The following STPG2 variants were observed in gnomAD, a reference collection of about 807,000 sequenced individuals.
STPG2 encodes the protein sperm tail PG-rich repeat containing 2.
In STPG2, 56 loss-of-function variants were observed where a neutral mutation model predicts 54.2. The ratio of observed to expected loss-of-function variants is 1.03; its 90% CI spans 0.83 to 1.29. The LOEUF (loss-of-function observed/expected upper bound fraction) is 1.29. Ranked by LOEUF, STPG2 falls within the 50% of genes most tolerant of loss-of-function variation. The pLI is 0.00. For missense variants in STPG2, 596 were observed against 544.9 expected (o/e 1.09, Z -0.93); for synonymous variants, 200 against 181.8 (o/e 1.10, Z -0.81).
At chr4:98,077,368 G>A (rs888520352) in intron 5 of STPG2, among the ~76,000 whole-genome samples, 6 of 151,984 alleles carry the variant, frequency 3.9e-5, no homozygotes, top group African/African-American at 1.5e-4. Context: ...TCAGCCTCCT[G>A]AGTAGCTGGG....
chr4:97,901,874 A>T (rs1435863530), intron 8 of STPG2, among the ~76,000 whole-genome samples: 1 of 152,068 alleles, frequency 6.6e-6, no homozygotes, highest in Non-Finnish European at 1.5e-5. Flanking sequence ...AGTAAGAAGG[A>T]CAAAGTTGCA....
chr4:97,764,059 G>A (rs144712735), intron 9 of STPG2, among the ~76,000 whole-genome samples: 3 of 150,816 alleles, frequency 2.0e-5, no homozygotes, highest in African/African-American at 7.3e-5. Flanking sequence ...CACAGAACAT[G>A]GTAGAGCTTC....
intron 5 of STPG2, among the ~76,000 whole-genome samples, chr4:98,095,388 A>C (rs1738825378): frequency 6.6e-6 from 1 of 152,184 alleles, no homozygotes; most frequent in African/African-American, 2.4e-5. Context: ...AGCTGAACAG[A>C]TGTTTTCAAA....
At chr4:97,884,128 A>G (rs1242106252) in intron 8 of STPG2, among the ~76,000 whole-genome samples, 2 of 152,120 alleles carry the variant, frequency 1.3e-5, no homozygotes, top group African/African-American at 2.4e-5. Context: ...TTATGGGAAG[A>G]GAGGGGGGAA....
At chr4:97,921,090 C>T (rs1027009585) in intron 8 of STPG2, among the ~76,000 whole-genome samples, 21 of 152,230 alleles carry the variant, frequency 1.4e-4, no homozygotes, top group Admixed American at 3.9e-4. Flanking sequence ...TTAGAAAGTA[C>T]CGGTTTACAT....
At chr4:97,683,073 C>T (rs1459745508) in intron 10 of STPG2, among the ~76,000 whole-genome samples, 6 of 151,576 alleles carry the variant, frequency 4.0e-5, no homozygotes, top group Admixed American at 3.3e-4. Flanking sequence ...ATGATACTGG[C>T]AAAAAGAAAA....
At chr4:98,130,423 C>T (rs1011571878) in intron 2 of STPG2, among the ~76,000 whole-genome samples, 3 of 151,968 alleles carry the variant, frequency 2.0e-5, no homozygotes, top group Non-Finnish European at 4.4e-5. Flanking sequence ...AGTGATCTGC[C>T]CCCACTTCCC....
At chr4:97,605,284 TAG>T (rs1282547482) in intron 10 of STPG2, among the ~76,000 whole-genome samples, 13 of 151,806 alleles carry the variant, frequency 8.6e-5, no homozygotes, top group Non-Finnish European at 1.6e-4. Flanking sequence ...CTTCCCAAAC[TAG>T]TGAAAAATTT....
intron 8 of STPG2, among the ~76,000 whole-genome samples, chr4:97,900,045 A>G (rs1344364034): frequency 2.0e-5 from 3 of 152,204 alleles, no homozygotes; most frequent in Non-Finnish European, 4.4e-5. Flanking sequence ...TCTAATATCC[A>G]GTATCTATAA....
At chr4:97,790,644 G>A (rs979360262) in intron 9 of STPG2, among the ~76,000 whole-genome samples, 5 of 151,906 alleles carry the variant, frequency 3.3e-5, no homozygotes, top group Admixed American at 6.6e-5. Flanking sequence ...CTCCCTCCTC[G>A]AGGCCATCAA....
chr4:97,732,019 G>A (rs1001819544), intron 9 of STPG2, among the ~76,000 whole-genome samples: 9 of 152,294 alleles, frequency 5.9e-5, no homozygotes, highest in Admixed American at 3.9e-4. Context: ...TCCTTGGGAG[G>A]GGCCCACAGA....
intron 5 of STPG2, chr4:98,025,479 C>A: frequency 1.9e-6 from 1 of 534,946 alleles, no homozygotes; most frequent in Non-Finnish European, 3.5e-6. Context: ...GAATACCATG[C>A]TTGGAAACAC....
chr4:98,139,656 A>C (rs1276888511), intron 1 of STPG2, among the ~76,000 whole-genome samples: 2 of 125,404 alleles, frequency 1.6e-5, no homozygotes, highest in Non-Finnish European at 3.5e-5. Flanking sequence ...ATTGATTATC[A>C]GCATATTCTT....
intron 5 of STPG2, among the ~76,000 whole-genome samples, chr4:98,016,289 G>A (rs996042203): frequency 1.3e-5 from 2 of 152,154 alleles, no homozygotes; most frequent in Non-Finnish European, 2.9e-5. Context: ...TGAGCTTCAT[G>A]GATCTGGATG....
At chr4:98,032,685 A>T (rs1190441956) in intron 5 of STPG2, among the ~76,000 whole-genome samples, 1 of 152,160 alleles carries the variant, frequency 6.6e-6, no homozygotes, top group African/African-American at 2.4e-5. Context: ...TTGACCACAT[A>T]ATTGGAAGTA....
intron 10 of STPG2, among the ~76,000 whole-genome samples, chr4:97,668,247 G>A (rs1032725834): frequency 6.6e-6 from 1 of 152,140 alleles, no homozygotes; most frequent in African/African-American, 2.4e-5. Context: ...CACAGAGACA[G>A]ATACCATATT....
chr4:97,991,626 G>A (rs1275154892), intron 5 of STPG2, among the ~76,000 whole-genome samples: 1 of 151,900 alleles, frequency 6.6e-6, no homozygotes, highest in East Asian at 1.9e-4. Flanking sequence ...ACCCAGTAGT[G>A]GGATTGCTGG....
chr4:97,921,192 A>C (rs1316860716), intron 8 of STPG2, among the ~76,000 whole-genome samples: 1 of 152,080 alleles, frequency 6.6e-6, no homozygotes, highest in Non-Finnish European at 1.5e-5. Context: ...GTGATCACCT[A>C]ACTTTGCCAT....
chr4:97,701,633 T>C (rs1723778097), intron 10 of STPG2, among the ~76,000 whole-genome samples: 2 of 152,192 alleles, frequency 1.3e-5, no homozygotes, highest in African/African-American at 2.4e-5. Flanking sequence ...GGGGCCGTGA[T>C]TCTGTTTTTA....
Sources: allele counts gnomAD v4.1 joint callset (sites outside exome capture counted in the v4.1 genomes callset), GRCh38; gene constraint gnomAD v4.1.1; transcripts MANE v1.5; gene names NCBI Gene and HGNC (gene_info 2026-07-23, HGNC 2026-07-21).